The following LAMA1 variants were observed in gnomAD, a reference collection of about 807,000 sequenced individuals.
LAMA1 encodes the protein laminin subunit alpha-1.
Under a neutral mutation model 348.7 loss-of-function variants are expected in LAMA1, and 219 were observed. That is an observed-to-expected ratio of 0.63 (90% confidence interval 0.56 to 0.70). The LOEUF (loss-of-function observed/expected upper bound fraction) is 0.70. Among genes scored for constraint, LAMA1 ranks in the 30% least tolerant of loss-of-function variants. The pLI is 0.00. For synonymous variants in LAMA1, 1,487 were observed against 1,491.0 expected, an observed-to-expected ratio of 1.00 and a Z score of 0.06; for missense variants, 3,744 against 3,888.0, an observed-to-expected ratio of 0.96 and a Z score of 0.99.
chr18:7,026,177 T>C, intron 16 of LAMA1, 71 bp from the exon 17 acceptor site: 2 of 1,563,886 alleles, frequency 1.3e-6, no homozygotes, highest in East Asian at 4.7e-5. Flanking sequence ...ATAAGCAACT[T>C]GAAGTCCAAG....
Position 7,008,509 on chromosome 18 carries a change from G to A in LAMA1, c.4101C>T (p.Gly1367=), listed in dbSNP as rs769440008. 6.2e-7 allele frequency: 1 copy of A among 1,614,036 alleles called. No individual in the cohort carries two copies. Among genetic ancestry groups the A allele is most frequent in the Non-Finnish European group, 8.5e-7 (1 of 1,179,964 alleles). ...SLLENCVCPP[G]TVGFSCQDCA... is the part of the protein sequence containing the mutation. ...GTACCTGACATGAGAATCCCACAGT[G>A]CCAGGAGGACAGACACAATTCTCTA... Residue 1367 remains glycine (G), a synonymous_variant, in exon 28 of 63, where the codon GGC becomes GGT. Transcript: ENST00000389658.
chr18:6,953,301 G>C (rs2057558594), intron 57 of LAMA1, among the ~76,000 whole-genome samples: 1 of 152,274 alleles, frequency 6.6e-6, no homozygotes, highest in South Asian at 2.1e-4. Context: ...AGCGGGGCTT[G>C]TGTTCAGGTC....
At chr18:7,006,593 TC>T (rs2057832983) in intron 29 of LAMA1, among the ~76,000 whole-genome samples, 1 of 152,132 alleles carries the variant, frequency 6.6e-6, no homozygotes, top group Non-Finnish European at 1.5e-5. Context: ...GAGAAATGCA[TC>T]CCTAGCTGAT....
intron 1 of LAMA1, among the ~76,000 whole-genome samples, chr18:7,101,056 T>C (rs2058289445): frequency 6.6e-6 from 1 of 152,156 alleles, no homozygotes; most frequent in African/African-American, 2.4e-5. Flanking sequence ...TATGACTCCA[T>C]GTATATGAAA....
rs118164361 is a variant in LAMA1 at position 7,021,439 on chromosome 18, G to A, written c.2701+1725C>T. Among the ~76,000 whole-genome samples, 25 of 152,146 alleles carry A rather than the reference G, an allele frequency of 1.6e-4. 1 individual carries two copies. In the East Asian group the frequency reaches 4.6e-3, roughly 28 times the overall value. On this transcript the variant is annotated intron_variant, in intron 19 of 62. Transcript: ENST00000389658. ...AAGAAAATAATTTTTGGTACAGGAC[G>A]GAAAAATTTTAAATATGTTTGAACT...
At chr18:7,097,270 C>CAA (rs11394951) in intron 1 of LAMA1, among the ~76,000 whole-genome samples, 127 of 149,976 alleles carry the variant, frequency 8.5e-4, no homozygotes, top group African/African-American at 2.2e-3. Flanking sequence ...AATACTTGAA[C>CAA]AAAAAAAATA....
At chr18:7,003,650 T>C (rs1356121153) in intron 29 of LAMA1, among the ~76,000 whole-genome samples, 1 of 152,192 alleles carries the variant, frequency 6.6e-6, no homozygotes, top group Admixed American at 6.5e-5. Flanking sequence ...CATCTCTATT[T>C]ACTCAGCCAC....
chr18:6,950,808 G>GTGC lies in LAMA1; in HGVS notation c.8368_8370dup (p.Ala2790dup). On this transcript the variant is annotated inframe_insertion, in exon 58 of 63. Coordinates refer to ENST00000389658, the MANE Select transcript of LAMA1 (RefSeq NM_005559.4). ...GTGTGCCACTTGCCATCACTGAGCAGTGCAGGGTGAGAGACCTTTGTTCTG... is the reference window on the plus strand; with the variant it reads ...GTGTGCCACTTGCCATCACTGAGCAGTGCTGCAGGGTGAGAGACCTTTGTTCTG... The GTGC allele has an allele frequency of 6.2e-7, 1 of 1,614,122 alleles. No individual in the cohort carries two copies. The highest frequency in any genetic ancestry group is 8.5e-7 in the Non-Finnish European group (1 of 1,179,994).
intron 58 of LAMA1, among the ~76,000 whole-genome samples, chr18:6,950,229 A>T (rs2057540484): frequency 1.3e-5 from 2 of 152,082 alleles, no homozygotes; most frequent in African/African-American, 4.8e-5. Context: ...CTGCCAAACT[A>T]TCCTTGTTTA....
chr18:7,050,159 G>A (rs1252408157), intron 4 of LAMA1, among the ~76,000 whole-genome samples: 4 of 152,140 alleles, frequency 2.6e-5, no homozygotes, highest in African/African-American at 4.8e-5. Flanking sequence ...CTCACAGCTC[G>A]CTGCAGAGTT....
chr18:7,000,806 C>T (rs1171684928), intron 30 of LAMA1, among the ~76,000 whole-genome samples: 2 of 152,146 alleles, frequency 1.3e-5, no homozygotes, highest in African/African-American at 4.8e-5. Context: ...GTTATCAGCC[C>T]CATACCACTT....
chr18:6,943,195 C>G lies in LAMA1; in HGVS notation c.9052G>C (p.Val3018Leu). ...TSVDTNNPIY[V>L]GGYPAGVKQK... ...CCGTACATACCAGGATAGCCACCAA[C>G]ATAAATGGGATTGTTGGTGTCCACT... Residue 3018 changes from valine (V) to leucine (L), a missense_variant, in exon 62 of 63, where the codon GTT (valine) becomes CTT (leucine). Transcript: ENST00000389658. 6.2e-7 allele frequency: 1 copy of G among 1,614,232 alleles called. No individual in the cohort carries two copies. Among genetic ancestry groups the G allele is most frequent in the South Asian group, 1.1e-5 (1 of 91,074 alleles).
Position 7,016,513 on chromosome 18 carries a change from G to C in LAMA1, c.2967C>G (p.Ala989=). Reference sequence around the variant, plus strand: ...TACGTGTACAGCTACCATCCTGGTAGGCGTAGAAGCCATGGGCACACCTGT... The same window carrying C: ...TACGTGTACAGCTACCATCCTGGTACGCGTAGAAGCCATGGGCACACCTGT... ...RCDRCAHGFY[A]YQDGSCTPCD... is the part of the protein sequence containing the mutation. Residue 989 remains alanine, a synonymous_variant, in exon 21 of 63, where the codon GCC becomes GCG. Coordinates refer to ENST00000389658, the MANE Select transcript of LAMA1 (RefSeq NM_005559.4). 11 of 1,614,222 alleles carry C rather than the reference G, an allele frequency of 6.8e-6. No homozygotes were observed. Among genetic ancestry groups the C allele is most frequent in the Non-Finnish European group, 9.3e-6 (11 of 1,180,040 alleles).
intron 57 of LAMA1, among the ~76,000 whole-genome samples, chr18:6,951,217 T>C (rs934239539): frequency 6.6e-6 from 1 of 152,172 alleles, no homozygotes; most frequent in Non-Finnish European, 1.5e-5. Context: ...CCTTTGCTCA[T>C]GAAACTAATA....
intron 51 of LAMA1, among the ~76,000 whole-genome samples, chr18:6,963,582 T>G (rs891165440): frequency 2.0e-5 from 3 of 152,202 alleles, no homozygotes; most frequent in African/African-American, 7.2e-5. Flanking sequence ...ACTGAATGGC[T>G]GCAGCTCTGT....
At position 6,983,251 on chromosome 18, in the gene LAMA1, T is replaced by C. The variant is rs756193342; in HGVS notation, c.5661-17A>G. 7.4e-6 allele frequency: 12 copies of C among 1,614,106 alleles called. No individual in the cohort carries two copies. In the South Asian group the frequency reaches 1.1e-4, roughly 15 times the overall value. On this transcript the variant is annotated splice_polypyrimidine_tract_variant and intron_variant, in intron 39 of 62. Transcript: ENST00000389658. ...TCAAGGCCACTATCAAAGCAGCATA[T>C]TTAGATACGTTATGATAAACTAAAT...
At position 6,997,775 on chromosome 18, in the gene LAMA1, C is replaced by A; in HGVS notation, c.4773G>T (p.Leu1591Phe). ...ATTTAGTTGTATTTTCCAGGTTTGA[C>A]AAAATTCCATATGGGACAGGGATAA... is the stretch of plus-strand genomic sequence containing the variant. ...TGIIPVPYGI[L>F]SNLENTTKYL... Residue 1591 changes from leucine to phenylalanine, a missense_variant, in exon 33 of 63, where the codon TTG (leucine) becomes TTT (phenylalanine). Physicochemically the swap from Leu to Phe is conservative, Grantham distance 22. Around this residue, in one of 3 missense-constraint regions of LAMA1, gnomAD observed 1,983 missense variants for 1,934.3 expected, o/e 1.03. Coordinates refer to ENST00000389658, the MANE Select transcript of LAMA1 (RefSeq NM_005559.4). 1 of 1,614,084 alleles carries A rather than the reference C, an allele frequency of 6.2e-7. No individual in the cohort carries two copies. The highest frequency in any genetic ancestry group is 8.5e-7 in the Non-Finnish European group (1 of 1,179,972).
intron 28 of LAMA1, among the ~76,000 whole-genome samples, chr18:7,008,221 C>G (rs664184): frequency 0.4 from 60,728 of 151,850 alleles, 13,815 homozygotes; most frequent in African/African-American, 0.63. Context: ...GTTTGCGTTT[C>G]GGATGATAAA....
At chr18:7,000,108 A>G in intron 30 of LAMA1, 111 bp from the exon 31 acceptor site, 3 of 796,230 alleles carry the variant, frequency 3.8e-6, no homozygotes, top group Non-Finnish European at 6.4e-6. Flanking sequence ...AAGTTATGTG[A>G]TTACACATAG....
Sources: gnomAD v4.1 joint callset for allele counts (sites outside exome capture counted in the v4.1 genomes callset) on GRCh38, gnomAD v4.1.1 for gene constraint, gnomAD v4.1.1 regional missense constraint, MANE v1.5 for transcripts, NCBI Gene and HGNC (gene_info 2026-07-23, HGNC 2026-07-21) for gene names.